The following MOXD1 variants were observed in gnomAD, a reference collection of about 807,000 sequenced individuals.
The protein encoded by MOXD1 is DBH-like monooxygenase protein 1.
Under a neutral mutation model 66.6 loss-of-function variants are expected in MOXD1, and 62 were observed. The observed-to-expected ratio is 0.93, with a 90% CI of 0.76 to 1.15. The LOEUF (loss-of-function observed/expected upper bound fraction) is 1.15. Ranked by LOEUF, MOXD1 falls within the 50% of genes most tolerant of loss-of-function variation. MOXD1 has a pLI of 0.00. For synonymous variants in MOXD1, 303 were observed against 281.9 expected (o/e 1.07, Z -0.75); for missense variants, 847 against 754.6 (o/e 1.12, Z -1.44).
intron 4 of MOXD1, among the ~76,000 whole-genome samples, chr6:132,350,092 A>T (rs1562290364): frequency 6.6e-6 from 1 of 152,162 alleles, no homozygotes; most frequent in Non-Finnish European, 1.5e-5. Context: ...TACTCTGCTG[A>T]CTATTCCTTT....
intron 4 of MOXD1, among the ~76,000 whole-genome samples, chr6:132,349,878 G>A (rs1775769088): frequency 6.6e-6 from 1 of 152,184 alleles, no homozygotes; most frequent in Non-Finnish European, 1.5e-5. Flanking sequence ...CATTAGTGAT[G>A]TTGAGCGTTT....
At position 132,297,872 on chromosome 6, in the gene MOXD1, T is replaced by C. The variant is rs757348927; in HGVS notation, c.1592A>G (p.Lys531Arg). ...CTTGTTGAAGGAGAGACCTTCCTTT[T>C]TAGTCCATTTAAACTTATTCATAGC... ...MDAMNKFKWT[K>R]KEGLSFNKLV... Residue 531 changes from lysine (K) to arginine (R), a missense_variant, in exon 11 of 12, where the codon AAA becomes AGA. Transcript: ENST00000367963. 1.2e-6 allele frequency: 2 copies of C among 1,613,530 alleles called. No homozygotes were observed. Among genetic ancestry groups the C allele is most frequent in the East Asian group, 4.5e-5 (2 of 44,844 alleles).
chr6:132,319,783 T>C (rs1775037445), intron 9 of MOXD1, among the ~76,000 whole-genome samples: 1 of 152,062 alleles, frequency 6.6e-6, no homozygotes, highest in Non-Finnish European at 1.5e-5. Flanking sequence ...AGCTTTTTCA[T>C]AGCTAACTTC....
intron 3 of MOXD1, 32 bp downstream of exon 3, chr6:132,372,798 T>G (rs778738772): frequency 2.5e-6 from 4 of 1,611,578 alleles, no homozygotes; most frequent in African/African-American, 2.7e-5. Context: ...AATAAGCCCA[T>G]CCCTACAATC....
chr6:132,320,874 ACT>A (rs1199777409), intron 8 of MOXD1, among the ~76,000 whole-genome samples, 186 bp from the exon 9 acceptor site: 3 of 152,206 alleles, frequency 2.0e-5, no homozygotes, highest in Non-Finnish European at 4.4e-5. Flanking sequence ...AATAAATAGG[ACT>A]CTCTGTGTTT....
intron 4 of MOXD1, among the ~76,000 whole-genome samples, chr6:132,350,140 C>T (rs1775774993): frequency 6.6e-6 from 1 of 152,086 alleles, no homozygotes. Flanking sequence ...TAGGTCCCAA[C>T]TATTTATCTT....
At chr6:132,321,498 C>T (rs762067532) in intron 8 of MOXD1, among the ~76,000 whole-genome samples, 1 of 152,030 alleles carries the variant, frequency 6.6e-6, no homozygotes, top group South Asian at 2.1e-4. Context: ...GTTTTCCATC[C>T]TTTTGTACAT....
intron 10 of MOXD1, among the ~76,000 whole-genome samples, chr6:132,307,182 A>C (rs1774712951): frequency 1.3e-5 from 2 of 152,202 alleles, no homozygotes; most frequent in South Asian, 4.1e-4. Flanking sequence ...AAATTTACCA[A>C]GCAAATTGAA....
At chr6:132,314,916 C>T (rs1282320924) in intron 10 of MOXD1, among the ~76,000 whole-genome samples, 1 of 152,110 alleles carries the variant, frequency 6.6e-6, no homozygotes, top group African/African-American at 2.4e-5. Context: ...CGAAAGAGAA[C>T]AATTATACCT....
In MOXD1 at chr6:132,401,216, C is replaced by T; in HGVS notation, c.211G>A (p.Ala71Thr). The change falls in exon 1 of 12, where the codon GCG (alanine) becomes ACG (threonine). Residue 71 changes from alanine to threonine, a missense_variant. By Grantham distance (58) the Ala-to-Thr change is moderately conservative (BLOSUM62 0). Transcript: ENST00000367963. ...CCGCCCACGACGATGTCGGCGGACG[C>T]CATGGCCCCGGTGGGCGAGAAGCCG... is the stretch of plus-strand genomic sequence containing the variant. The part of the protein sequence containing the change: ...GFGFSPTGAM[A>T]SADIVVGGVA... 6.4e-7 allele frequency: 1 copy of T among 1,569,598 alleles called. No individual in the cohort carries two copies. Among genetic ancestry groups the T allele is most frequent in the Non-Finnish European group, 8.6e-7 (1 of 1,166,148 alleles).
chr6:132,348,171 T>A (rs1175417011), intron 4 of MOXD1, among the ~76,000 whole-genome samples: 2 of 152,240 alleles, frequency 1.3e-5, no homozygotes, highest in Admixed American at 1.3e-4. Flanking sequence ...GAAAGTATTT[T>A]CCTATAGATG....
In MOXD1 at chr6:132,296,476, G is replaced by A. The variant is rs1021445017; in HGVS notation, c.*677C>T. ...GCCTCTTTCTTTTCAGATAGTGACAGAGCTCTAGAAAAAACTCATCTGGCC... is the reference window on the plus strand; with the variant it reads ...GCCTCTTTCTTTTCAGATAGTGACAAAGCTCTAGAAAAAACTCATCTGGCC... On this transcript the variant is annotated 3_prime_UTR_variant, in exon 12 of 12. Coordinates refer to ENST00000367963, the MANE Select transcript of MOXD1 (RefSeq NM_015529.4). 1.3e-5 allele frequency: 2 copies of A among 152,102 alleles called. No individual in the cohort carries two copies. The highest frequency in any genetic ancestry group is 4.8e-5 in the African/African-American group (2 of 41,410). The allele number at this position is 152,102 out of a possible 1,614,324, so 9.4% of individuals were successfully genotyped here.
rs753714747 is a variant in MOXD1 at position 132,315,814 on chromosome 6, C to G, written c.1366-37G>C. The G allele has an allele frequency of 5.6e-6, 9 of 1,601,484 alleles. No homozygotes were observed. In the African/African-American group the frequency reaches 1.2e-4, roughly 22 times the overall value. Reference sequence around the variant, plus strand: ...TAGTTTATTTAGCAAAGTATGTGTTCTACCAACTTTGACATTTAAAGCACA... The same window carrying G: ...TAGTTTATTTAGCAAAGTATGTGTTGTACCAACTTTGACATTTAAAGCACA... On this transcript the variant is annotated intron_variant, in intron 9 of 11. Coordinates refer to ENST00000367963, the MANE Select transcript of MOXD1 (RefSeq NM_015529.4).
In MOXD1 at chr6:132,328,519, T is replaced by A; in HGVS notation, c.739A>T (p.Asn247Tyr). The A allele has an allele frequency of 6.2e-7, 1 of 1,614,078 alleles. No individual in the cohort carries two copies. Among genetic ancestry groups the A allele is most frequent in the Non-Finnish European group, 8.5e-7 (1 of 1,179,994 alleles). ...TGGCCGGACTCCAGAACGCTGTCGTTAAAGTTGTTGCTGCACTGATAGAGC... is the reference window on the plus strand; with the variant it reads ...TGGCCGGACTCCAGAACGCTGTCGTAAAAGTTGTTGCTGCACTGATAGAGC... ...ILLYQCSNNF[N>Y]DSVLESGHEC... The change falls in exon 5 of 12, where the codon AAC (asparagine) becomes TAC (tyrosine). Residue 247 changes from asparagine to tyrosine, a missense_variant. Coordinates refer to ENST00000367963, the MANE Select transcript of MOXD1 (RefSeq NM_015529.4).
At chr6:132,394,024 C>T (rs1776822606) in intron 1 of MOXD1, among the ~76,000 whole-genome samples, 1 of 152,152 alleles carries the variant, frequency 6.6e-6, no homozygotes, top group Admixed American at 6.5e-5. Flanking sequence ...ATAACCTGCC[C>T]ATCCTCCTGA....
At chr6:132,301,168 C>T (rs1774526705) in intron 10 of MOXD1, among the ~76,000 whole-genome samples, 1 of 148,230 alleles carries the variant, frequency 6.7e-6, no homozygotes, top group Admixed American at 6.8e-5. Context: ...GTGTAAATGT[C>T]TCTCCATACA....
intron 10 of MOXD1, among the ~76,000 whole-genome samples, chr6:132,301,107 A>C (rs1774525505): frequency 6.6e-6 from 1 of 152,112 alleles, no homozygotes; most frequent in African/African-American, 2.4e-5. Flanking sequence ...GTTGGAAATA[A>C]TTGGGAATGT....
At chr6:132,310,596 C>G (rs9493281) in intron 10 of MOXD1, among the ~76,000 whole-genome samples, 1 of 152,218 alleles carries the variant, frequency 6.6e-6, no homozygotes, top group South Asian at 2.1e-4. Flanking sequence ...GGAACCAACC[C>G]AAATGCCCAT....
At chr6:132,320,718 T>A (rs771985330) in intron 8 of MOXD1, 30 bp from the exon 9 acceptor site, 1 of 1,559,832 alleles carries the variant, frequency 6.4e-7, no homozygotes, top group Admixed American at 1.8e-5. Context: ...GCTTTCAGAT[T>A]GAAGTTTTAT....
Sources: allele counts gnomAD v4.1 joint callset (sites outside exome capture counted in the v4.1 genomes callset), GRCh38; gene constraint gnomAD v4.1.1; transcripts MANE v1.5; gene names NCBI Gene and HGNC (gene_info 2026-07-23, HGNC 2026-07-21).